Variants in PLCH2 observed in about 807,000 individuals in gnomAD.
PLCH2 encodes phospholipase C eta 2.
A neutral mutation model predicts 134.7 loss-of-function variants in PLCH2; 98 were observed. The ratio of observed to expected loss-of-function variants is 0.73; its 90% CI spans 0.62 to 0.86. The LOEUF is 0.86. Ranked by LOEUF, PLCH2 falls within the 40% of genes least tolerant of loss-of-function variation. The pLI is 0.00. For missense variants in PLCH2, 1,994 were observed against 1,986.6 expected (o/e 1.00, Z -0.07); for synonymous variants, 974 against 827.5 (o/e 1.18, Z -3.04).
chr1:2,458,484 C>A (rs572900464), intron 2 of PLCH2, among the ~76,000 whole-genome samples: 159 of 152,258 alleles, frequency 1.0e-3, no homozygotes, highest in Non-Finnish European at 1.9e-3. Flanking sequence ...TGCCGAGTGG[C>A]CGGGGAACGG....
chr1:2,457,996 G>A (rs749719), intron 2 of PLCH2, among the ~76,000 whole-genome samples: 57,630 of 152,036 alleles, frequency 0.38, 11,609 homozygotes, highest in East Asian at 0.59. Context: ...AGGCACCAAG[G>A]AGGCCGCACA....
intron 2 of PLCH2, among the ~76,000 whole-genome samples, chr1:2,437,210 G>A (rs1639464358): frequency 6.6e-6 from 1 of 152,208 alleles, no homozygotes; most frequent in African/African-American, 2.4e-5. Context: ...GCAGGCTTGG[G>A]TTATGGCCCG....
chr1:2,487,717 G>T lies in PLCH2; in HGVS notation c.1234G>T (p.Glu412Ter). 6.2e-7 allele frequency: 1 copy of T among 1,612,906 alleles called. No homozygotes were observed. The highest frequency in any genetic ancestry group is 8.5e-7 in the Non-Finnish European group (1 of 1,179,668). ...TINKYAFIKN[E>*]YPVILSIENH... Reference sequence around the variant, plus strand: ...CAACAAATATGCCTTCATCAAGAATGAGTGAGTGGCTGGGCCTAGCGGGGC... The same window carrying T: ...CAACAAATATGCCTTCATCAAGAATTAGTGAGTGGCTGGGCCTAGCGGGGC... The change falls in exon 8 of 22, where the codon GAG (glutamate) becomes TAG (stop). Residue 412 changes from glutamate (E) to a stop codon, truncating the protein, a stop_gained and splice_region_variant. Coordinates refer to ENST00000378486, the MANE Select transcript of PLCH2 (RefSeq NM_014638.4). LOFTEE classifies it high-confidence loss of function.
At chr1:2,446,159 G>T (rs1448998608) in intron 2 of PLCH2, among the ~76,000 whole-genome samples, 1 of 152,238 alleles carries the variant, frequency 6.6e-6, no homozygotes, top group Non-Finnish European at 1.5e-5. Context: ...CTGCCAGGAA[G>T]GGGTGGCCAT....
Position 2,498,771 on chromosome 1 carries a change from A to G in PLCH2, c.2377A>G (p.Ile793Val). 1 of 1,611,010 alleles carries G rather than the reference A, an allele frequency of 6.2e-7. No individual in the cohort carries two copies. Among genetic ancestry groups the G allele is most frequent in the South Asian group, 1.1e-5 (1 of 90,672 alleles). ...EIIDPFVEVE[I>V]IGLPVDCSRE... ...CATCGACCCCTTTGTGGAGGTGGAG[A>G]TCATTGGGCTCCCTGTGGACTGCAG... Residue 793 changes from isoleucine to valine, a missense_variant, in exon 18 of 22, where the codon ATC becomes GTC. Physicochemically the swap from Ile to Val is conservative, Grantham distance 29. Transcript: ENST00000378486. This position sits in a 1 kb window ranked among gnomAD's most constrained non-coding sequence, Gnocchi z 5.4.
upstream of PLCH2, among the ~76,000 whole-genome samples, chr1:2,463,229 C>T (rs1345164312): frequency 6.6e-6 from 1 of 152,200 alleles, no homozygotes; most frequent in Non-Finnish European, 1.5e-5. Context: ...GCTGCAGGGT[C>T]AGCTGGGCTG....
upstream of PLCH2, among the ~76,000 whole-genome samples, chr1:2,473,947 G>T (rs372630910): frequency 8.5e-5 from 13 of 152,390 alleles, no homozygotes; most frequent in East Asian, 2.5e-3. Flanking sequence ...AGGCTCACGG[G>T]AGGGGCCGAG....
upstream of PLCH2, among the ~76,000 whole-genome samples, chr1:2,421,955 C>T (rs762478265): frequency 1.2e-4 from 18 of 150,538 alleles, no homozygotes; most frequent in African/African-American, 3.7e-4. Context: ...GCCCAGGCGA[C>T]GGAGCAAGAC....
intron 2 of PLCH2, among the ~76,000 whole-genome samples, chr1:2,440,700 C>CCGCCCGGGGATCT (rs1299640501): frequency 6.4e-5 from 9 of 140,622 alleles, no homozygotes; most frequent in East Asian, 2.1e-4. Flanking sequence ...CTTGGCCGGC[C>CCGCCCGGGGATCT]TGCCCGGGGA....
At chr1:2,452,580 G>T (rs1332089565) in intron 2 of PLCH2, among the ~76,000 whole-genome samples, 2 of 152,200 alleles carry the variant, frequency 1.3e-5, no homozygotes, top group African/African-American at 4.8e-5. Flanking sequence ...GCAGGCATTC[G>T]GGGAGCAAAT....
chr1:2,496,320 G>A (rs1188606218), intron 13 of PLCH2, among the ~76,000 whole-genome samples: 1 of 152,176 alleles, frequency 6.6e-6, no homozygotes, highest in Non-Finnish European at 1.5e-5. Context: ...CCCCTGCTCA[G>A]AACCTTCCAG....
Position 2,476,426 on chromosome 1 carries a change from C to G in PLCH2, c.-163C>G, listed in dbSNP as rs1196410991. The G allele has an allele frequency of 1.5e-6, 1 of 673,902 alleles. No individual in the cohort carries two copies. The highest frequency in any genetic ancestry group is 3.4e-5 in the Admixed American group (1 of 29,610). 41.7% of individuals were successfully genotyped at this position (673,902 alleles called of 1,614,324 possible). A position where few individuals can be genotyped will look rare whatever the true frequency, so the allele number is the denominator to read the frequency against. ...AATGCCAGCCGGGCCTGGGCACAGC[C>G]CTGTGGGGGCTTCGGAGGGCCCTGA... is the stretch of plus-strand genomic sequence containing the variant. On this transcript the variant is annotated 5_prime_UTR_variant, in exon 1 of 22. Coordinates refer to ENST00000378486, the MANE Select transcript of PLCH2 (RefSeq NM_014638.4).
At position 2,503,952 on chromosome 1, in the gene PLCH2, T is replaced by A; in HGVS notation, c.2990T>A (p.Leu997His). The A allele has an allele frequency of 2.5e-6, 2 of 814,804 alleles. No homozygotes were observed. The highest frequency in any genetic ancestry group is 2.5e-5 in the South Asian group (1 of 39,700). 50.5% of individuals were successfully genotyped at this position (814,804 alleles called of 1,614,324 possible). A position where few individuals can be genotyped will look rare whatever the true frequency, so the allele number is the denominator to read the frequency against. The change falls in exon 22 of 22, where the codon CTC (leucine) becomes CAC (histidine). Residue 997 changes from leucine to histidine, a missense_variant. Coordinates refer to ENST00000378486, the MANE Select transcript of PLCH2 (RefSeq NM_014638.4). The part of the protein sequence containing the change: ...DTRPLSTQRP[L>H]PPLCSLETIA... The stretch of plus-strand genomic sequence containing the variant: ...CGCCCCCTCTCCACGCAGCGGCCAC[T>A]CCCCCCACTGTGCAGCCTGGAAACC...
At chr1:2,434,879 G>T (rs1035547253) in intron 2 of PLCH2, among the ~76,000 whole-genome samples, 1 of 152,162 alleles carries the variant, frequency 6.6e-6, no homozygotes, top group South Asian at 2.1e-4. Flanking sequence ...TATGTCCTCG[G>T]GCGCCCATGC....
the PLCH2 span, among the ~76,000 whole-genome samples, chr1:2,418,532 G>A: frequency 6.6e-6 from 1 of 152,224 alleles, no homozygotes; most frequent in South Asian, 2.1e-4. Flanking sequence ...AATGGTGTGG[G>A]TCATCCACTC....
At chr1:2,486,829 G>T in intron 5 of PLCH2, 78 bp from the exon 6 acceptor site, 1 of 1,078,290 alleles carries the variant, frequency 9.3e-7, no homozygotes. Flanking sequence ...GCAGGGGACA[G>T]TGGTGATGGG....
At chr1:2,454,260 C>T (rs561512168) in intron 2 of PLCH2, among the ~76,000 whole-genome samples, 46 of 152,254 alleles carry the variant, frequency 3.0e-4, no homozygotes, top group Non-Finnish European at 5.3e-4. Flanking sequence ...TCCAGTTCCC[C>T]GATGGCCAGT....
In PLCH2 at chr1:2,504,713, G is replaced by A; in HGVS notation, c.3751G>A (p.Ala1251Thr). Reference sequence around the variant, plus strand: ...GGTGGGCGTGCAGGACTGCCCCGTGGCTGCCAAGTCCAAGAGCCTGGGCGA... The same window carrying A: ...GGTGGGCGTGCAGGACTGCCCCGTGACTGCCAAGTCCAAGAGCCTGGGCGA... ...SLVGVQDCPV[A>T]AKSKSLGDLT... Residue 1251 changes from alanine to threonine, a missense_variant, in exon 22 of 22, where the codon GCT (alanine) becomes ACT (threonine). This residue lies in a region of PLCH2 where 900 missense variants were observed against 752.3 expected (regional missense o/e 1.20). Transcript: ENST00000378486. 3.1e-6 allele frequency: 5 copies of A among 1,612,540 alleles called. No homozygotes were observed. Among genetic ancestry groups the A allele is most frequent in the Non-Finnish European group, 4.2e-6 (5 of 1,179,800 alleles).
chr1:2,426,404 G>A (rs536982119), intron 1 of PLCH2, among the ~76,000 whole-genome samples: 7 of 152,302 alleles, frequency 4.6e-5, no homozygotes, highest in African/African-American at 1.4e-4. Flanking sequence ...GTGGGGCTCC[G>A]GGGTGTCCCC....
Sources: allele counts gnomAD v4.1 joint callset (sites outside exome capture counted in the v4.1 genomes callset), GRCh38; gene constraint gnomAD v4.1.1; regional missense constraint gnomAD v4.1.1; non-coding constraint Gnocchi (gnomAD v3.1); transcripts MANE v1.5; gene names NCBI Gene and HGNC (gene_info 2026-07-23, HGNC 2026-07-21).